Variants in RAB2B observed in about 807,000 individuals in gnomAD.
RAB2B encodes the protein RAB2B, member RAS oncogene family.
A neutral mutation model predicts 29.8 loss-of-function variants in RAB2B; 20 were observed. That is an observed-to-expected ratio of 0.67 (90% confidence interval 0.47 to 0.97). The LOEUF is 0.97. Ranked by LOEUF, RAB2B falls within the 50% of genes least tolerant of loss-of-function variation. The pLI is 0.00. For synonymous variants in RAB2B, 93 were observed against 91.7 expected, an observed-to-expected ratio of 1.01 and a Z score of -0.08; for missense variants, 218 against 272.0, an observed-to-expected ratio of 0.80 and a Z score of 1.40.
At chr14:21,476,324 T>C in intron 2 of RAB2B, 2 of 573,280 alleles carry the variant, frequency 3.5e-6, no homozygotes, top group South Asian at 2.4e-5. Context: ...CTCTAAAAAG[T>C]TACCTTTCAA....
chr14:21,472,990 G>A (rs1187350385), intron 3 of RAB2B, among the ~76,000 whole-genome samples: 4 of 152,230 alleles, frequency 2.6e-5, no homozygotes, highest in Admixed American at 6.5e-5. Flanking sequence ...CCAGGAATTC[G>A]AGACCAGCCT....
chr14:21,459,918 A>C lies in RAB2B; in HGVS notation c.*1278T>G. 2 of 318,582 alleles carry C rather than the reference A, an allele frequency of 6.3e-6. No homozygotes were observed. The highest frequency in any genetic ancestry group is 2.6e-5 in the South Asian group (1 of 38,006). 19.7% of individuals were successfully genotyped at this position (318,582 alleles called of 1,614,324 possible). The stretch of plus-strand genomic sequence containing the variant: ...AAGTCTATCTGGTGAAAGACACTAC[A>C]ATGTTAGATCTGGCCCCTAAAATAA... On this transcript the variant is annotated 3_prime_UTR_variant, in exon 8 of 8. Coordinates refer to ENST00000397762, the MANE Select transcript of RAB2B (RefSeq NM_032846.4).
At chr14:21,466,889 G>A (rs143389229) in intron 5 of RAB2B, among the ~76,000 whole-genome samples, 122 of 151,482 alleles carry the variant, frequency 8.1e-4, no homozygotes, top group Non-Finnish European at 1.5e-3. Flanking sequence ...GTAAGTAACT[G>A]TTGCTATTTA....
At chr14:21,468,619 T>G in intron 4 of RAB2B, 51 bp downstream of exon 4, 1 of 1,378,674 alleles carries the variant, frequency 7.3e-7, no homozygotes, top group Non-Finnish European at 9.9e-7. Context: ...AAAAAAAAGC[T>G]TTAGAGGATT....
At chr14:21,463,245 T>A (rs570422551) in intron 6 of RAB2B, among the ~76,000 whole-genome samples, 1 of 43,124 alleles carries the variant, frequency 2.3e-5, no homozygotes, top group Admixed American at 1.9e-4. Flanking sequence ...GAAGACATTC[T>A]TTCTTTTTTT....
chr14:21,463,808 C>T, intron 5 of RAB2B, 41 bp from the exon 6 acceptor site: 1 of 1,313,838 alleles, frequency 7.6e-7, no homozygotes, highest in East Asian at 2.3e-5. Flanking sequence ...AAAAAAAGAT[C>T]CAAGTGAAAG....
intron 4 of RAB2B, 76 bp downstream of exon 4, chr14:21,468,594 C>G: frequency 8.1e-7 from 1 of 1,234,756 alleles, no homozygotes; most frequent in Non-Finnish European, 1.1e-6. Context: ...TTAACAGAAT[C>G]AGTAGATAGA....
chr14:21,466,078 A>C (rs900540936), intron 5 of RAB2B, among the ~76,000 whole-genome samples: 9 of 152,220 alleles, frequency 5.9e-5, no homozygotes, highest in African/African-American at 2.2e-4. Context: ...TATATTTAAC[A>C]TCTATGCCCC....
At chr14:21,469,333 C>A (rs1388834794) in intron 3 of RAB2B, among the ~76,000 whole-genome samples, 1 of 152,140 alleles carries the variant, frequency 6.6e-6, no homozygotes, top group Non-Finnish European at 1.5e-5. Context: ...TTCTAACTGA[C>A]CTTTAGTGTT....
At chr14:21,467,818 G>A (rs562862871) in intron 5 of RAB2B, among the ~76,000 whole-genome samples, 1 of 152,284 alleles carries the variant, frequency 6.6e-6, no homozygotes, top group African/African-American at 2.4e-5. Flanking sequence ...AGTGTCCATG[G>A]ACAGATGGAT....
rs1890992978 is a variant in RAB2B at position 21,476,925 on chromosome 14, TC to T, written c.-54del. 1.3e-6 allele frequency: 2 copies of T among 1,579,370 alleles called. No individual in the cohort carries two copies. The highest frequency in any genetic ancestry group is 2.7e-5 in the African/African-American group (2 of 74,106). Reference sequence around the variant, plus strand: ...CGCCCGACTTCTATAGCCACTTACCTCCGACCTCTCTAGCCACTCAATCTAC... The same window carrying T: ...CGCCCGACTTCTATAGCCACTTACCTCGACCTCTCTAGCCACTCAATCTAC... On this transcript the variant is annotated 5_prime_UTR_variant, in exon 1 of 8. Transcript: ENST00000397762.
intron 6 of RAB2B, 133 bp from the exon 7 acceptor site, chr14:21,462,551 G>A: frequency 1.1e-6 from 1 of 889,712 alleles, no homozygotes; most frequent in Non-Finnish European, 1.6e-6. Context: ...AAAAAACATA[G>A]AAGGTCGGTT....
chr14:21,462,199 A>AT, intron 7 of RAB2B, 151 bp downstream of exon 7: 2 of 552,768 alleles, frequency 3.6e-6, no homozygotes, highest in Non-Finnish European at 5.8e-6. Flanking sequence ...GTGTACCTAG[A>AT]TTTAAAAAAA....
At chr14:21,463,413 G>GT (rs1016715647) in intron 6 of RAB2B, among the ~76,000 whole-genome samples, 11 of 151,650 alleles carry the variant, frequency 7.3e-5, no homozygotes, top group African/African-American at 2.2e-4. Context: ...TGACCAGCTA[G>GT]TTTTTTGTAT....
intron 2 of RAB2B, among the ~76,000 whole-genome samples, chr14:21,475,135 T>C (rs534182889): frequency 6.6e-6 from 1 of 152,344 alleles, no homozygotes; most frequent in East Asian, 1.9e-4. Flanking sequence ...ATTAAAAAAT[T>C]GTGCTCAATG....
chr14:21,474,844 A>T lies in RAB2B; in HGVS notation c.186+23T>A, dbSNP rs764313672. The T allele has an allele frequency of 7.5e-6, 12 of 1,595,014 alleles. No homozygotes were observed. The South Asian group carries it at 1.2e-4, about 16-fold the overall frequency. On this transcript the variant is annotated intron_variant, in intron 3 of 7. Transcript: ENST00000397762. ...TGTTATACTTGGATATTGGTCAGAG[A>T]CTAAATTATTTTGTACTCTCACCGT...
chr14:21,464,418 G>A (rs919418323), intron 5 of RAB2B, among the ~76,000 whole-genome samples: 9 of 152,034 alleles, frequency 5.9e-5, no homozygotes, highest in Admixed American at 2.6e-4. Context: ...AAGAAAAAAA[G>A]GAAAACTCTA....
intron 3 of RAB2B, among the ~76,000 whole-genome samples, chr14:21,471,681 C>T (rs1194649418): frequency 2.3e-5 from 3 of 132,376 alleles, no homozygotes; most frequent in South Asian, 2.3e-4. Context: ...TTTTTTTTTC[C>T]TTTTTTTTTT....
chr14:21,462,288 G>GAACC, intron 7 of RAB2B, 62 bp downstream of exon 7: 1 of 1,379,320 alleles, frequency 7.2e-7, no homozygotes, highest in South Asian at 1.3e-5. Flanking sequence ...CCATTCTAGG[G>GAACC]AACCTCCAGT....
Sources: gnomAD v4.1 joint callset for allele counts (sites outside exome capture counted in the v4.1 genomes callset) on GRCh38, gnomAD v4.1.1 for gene constraint, MANE v1.5 for transcripts, NCBI Gene and HGNC (gene_info 2026-07-23, HGNC 2026-07-21) for gene names.